The following TNK1 variants were observed in gnomAD, a reference collection of about 807,000 sequenced individuals.
The protein encoded by TNK1 is tyrosine kinase non receptor 1.
Under a neutral mutation model 65.2 loss-of-function variants are expected in TNK1, and 53 were observed. The ratio of observed to expected loss-of-function variants is 0.81; its 90% CI spans 0.65 to 1.02. The LOEUF is 1.02. Ranked by LOEUF, TNK1 falls within the 50% of genes least tolerant of loss-of-function variation. The pLI is 0.00. For missense variants in TNK1, 837 were observed against 878.4 expected (o/e 0.95, Z 0.60); for synonymous variants, 353 against 364.6 (o/e 0.97, Z 0.36).
At position 7,382,404 on chromosome 17, in the gene TNK1, T is replaced by C. The variant is rs34768933; in HGVS notation, c.-91-432T>C. On this transcript the variant is annotated intron_variant, in intron 1 of 12. Coordinates refer to ENST00000688331, the MANE Select transcript of TNK1 (RefSeq NM_003985.6). The surrounding 1 kb of genome is among the most constrained non-coding windows in gnomAD (Gnocchi z 4.1). The stretch of plus-strand genomic sequence containing the variant: ...TGTGTGCGTGCTCTACCTACATGTC[T>C]GAGGTATGGTGTGGTTGTCATATCT... 0.13 allele frequency among the ~76,000 whole-genome samples: 19,217 copies of C among 152,076 alleles called. 1,454 individuals carry two copies. Among genetic ancestry groups the C allele is most frequent in the East Asian group, 0.34 (1,757 of 5,154 alleles).
chr17:7,387,607 T>A (rs1905253233), intron 10 of TNK1, 150 bp downstream of exon 10: 4 of 480,244 alleles, frequency 8.3e-6, no homozygotes, highest in Non-Finnish European at 1.3e-5. Context: ...CAATCTATTT[T>A]TTTTTTTTTT....
chr17:7,382,424 A>G lies in TNK1; in HGVS notation c.-91-412A>G, dbSNP rs1197847269. Among the ~76,000 whole-genome samples, 1 of 152,112 alleles carries G rather than the reference A, an allele frequency of 6.6e-6. No individual in the cohort carries two copies. Among genetic ancestry groups the G allele is most frequent in the East Asian group, 1.9e-4 (1 of 5,192 alleles). On this transcript the variant is annotated intron_variant, in intron 1 of 12. Transcript: ENST00000688331. This position sits in a 1 kb window ranked among gnomAD's most constrained non-coding sequence, Gnocchi z 4.1. ...ATGTCTGAGGTATGGTGTGGTTGTC[A>G]TATCTGAGCATCTCCAGTGTGTGTG...
At position 7,388,529 on chromosome 17, in the gene TNK1, G is replaced by A. The variant is rs1419213299; in HGVS notation, c.1601G>A (p.Arg534His). 1 of 1,613,868 alleles carries A rather than the reference G, an allele frequency of 6.2e-7. No homozygotes were observed. The highest frequency in any genetic ancestry group is 8.5e-7 in the Non-Finnish European group (1 of 1,179,848). ...CAGGGACCTCCAGGCCTGCCTCCAC[G>A]CCCACCTTTATCCTCTAGCTCTCCT... ...VPQGPPGLPP[R>H]PPLSSSSPQP... Residue 534 changes from arginine (R) to histidine (H), a missense_variant, in exon 11 of 13, where the codon CGC (arginine) becomes CAC (histidine). Arg to His is a conservative substitution (Grantham distance 29). Transcript: ENST00000688331. The surrounding 1 kb of genome is among the most constrained non-coding windows in gnomAD (Gnocchi z 4.5).
In TNK1 at chr17:7,387,408, G is replaced by GC. The variant is rs932736244; in HGVS notation, c.1433dup (p.Ala479SerfsTer39). Reference sequence around the variant, plus strand: ...GAAAGAAGGCAAATCTTTGGGATGCGCCCCCAGCACGGGGCCAGAGGAGGA... The same window carrying GC: ...GAAAGAAGGCAAATCTTTGGGATGCGCCCCCCAGCACGGGGCCAGAGGAGGA... On this transcript the variant is annotated frameshift_variant, in exon 10 of 13. Transcript: ENST00000688331. LOFTEE classifies it high-confidence loss of function. 3.7e-6 allele frequency: 6 copies of GC among 1,605,518 alleles called. No individual in the cohort carries two copies. In the African/African-American group the frequency reaches 8.0e-5, roughly 21 times the overall value.
At position 7,382,459 on chromosome 17, in the gene TNK1, C is replaced by T. The variant is rs1904873429; in HGVS notation, c.-91-377C>T. ...ATCTCCAGTGTGTGTGGTAGGCAAA[C>T]ATGTCTCATGTTGGAGGAAGGGAGA... On this transcript the variant is annotated intron_variant, in intron 1 of 12. Transcript: ENST00000688331. The surrounding 1 kb of genome is among the most constrained non-coding windows in gnomAD (Gnocchi z 4.1). Among the ~76,000 whole-genome samples, 1 of 152,010 alleles carries T rather than the reference C, an allele frequency of 6.6e-6. No individual in the cohort carries two copies. Among genetic ancestry groups the T allele is most frequent in the South Asian group, 2.1e-4 (1 of 4,810 alleles).
At position 7,388,318 on chromosome 17, in the gene TNK1, G is replaced by T; in HGVS notation, c.1478-88G>T. 1 of 1,371,258 alleles carries T rather than the reference G, an allele frequency of 7.3e-7. No individual in the cohort carries two copies. Among genetic ancestry groups the T allele is most frequent in the Non-Finnish European group, 9.9e-7 (1 of 1,006,708 alleles). 84.9% of individuals were successfully genotyped at this position (1,371,258 alleles called of 1,614,324 possible). On this transcript the variant is annotated intron_variant, in intron 10 of 12. Coordinates refer to ENST00000688331, the MANE Select transcript of TNK1 (RefSeq NM_003985.6). The surrounding 1 kb of genome is among the most constrained non-coding windows in gnomAD (Gnocchi z 4.5). ...CAGGCACCTATAGTCCCAGCTACTC[G>T]GGAGGCTGAGGTGGGAGGATCGCTT... is the stretch of plus-strand genomic sequence containing the variant.
In TNK1 at chr17:7,387,408, G is replaced by C. The variant is rs371755979; in HGVS notation, c.1428G>C (p.Ala476=). ...GDRKKANLWD[A]PPARGQRRNM... ...GAAAGAAGGCAAATCTTTGGGATGC[G>C]CCCCCAGCACGGGGCCAGAGGAGGA... Residue 476 remains alanine (A), a synonymous_variant, in exon 10 of 13, where the codon GCG becomes GCC. Coordinates refer to ENST00000688331, the MANE Select transcript of TNK1 (RefSeq NM_003985.6). The C allele has an allele frequency of 1.9e-6, 3 of 1,605,648 alleles. No individual in the cohort carries two copies. Among genetic ancestry groups the C allele is most frequent in the Non-Finnish European group, 2.6e-6 (3 of 1,176,436 alleles).
intron 7 of TNK1, 122 bp downstream of exon 7, chr17:7,384,876 C>T: frequency 7.6e-7 from 1 of 1,316,652 alleles, no homozygotes; most frequent in Non-Finnish European, 1.0e-6. Flanking sequence ...CAGCTCTGAG[C>T]AAAACAGATG....
At position 7,384,619 on chromosome 17, in the gene TNK1, GC is replaced by G. The variant is rs756965938; in HGVS notation, c.1003del (p.Arg335GlyfsTer54). On this transcript the variant is annotated frameshift_variant, in exon 7 of 13. Transcript: ENST00000688331. LOFTEE classifies it high-confidence loss of function. ...AGVPPYLILQ[R>X]LEDRARLPRP... is the part of the protein sequence containing the mutation. The stretch of plus-strand genomic sequence containing the variant: ...GGGTCCCACCGTACCTCATCCTGCA[GC>G]GGCTGGAGGACAGAGCCCGGCTGCC... 1.5e-4 allele frequency: 248 copies of G among 1,612,004 alleles called. No homozygotes were observed. Among genetic ancestry groups the G allele is most frequent in the Non-Finnish European group, 2.0e-4 (240 of 1,179,358 alleles).
At position 7,384,622 on chromosome 17, in the gene TNK1, G is replaced by A. The variant is rs749672190; in HGVS notation, c.1005G>A (p.Arg335=). 6.2e-7 allele frequency: 1 copy of A among 1,611,866 alleles called. No homozygotes were observed. Among genetic ancestry groups the A allele is most frequent in the South Asian group, 1.1e-5 (1 of 90,492 alleles). The stretch of plus-strand genomic sequence containing the variant: ...TCCCACCGTACCTCATCCTGCAGCG[G>A]CTGGAGGACAGAGCCCGGCTGCCTA... ...AGVPPYLILQ[R]LEDRARLPRP... Residue 335 remains arginine (R), a synonymous_variant, in exon 7 of 13, where the codon CGG becomes CGA. Transcript: ENST00000688331.
chr17:7,381,777 T>C (rs1904826483), intron 1 of TNK1, among the ~76,000 whole-genome samples: 1 of 152,228 alleles, frequency 6.6e-6, no homozygotes, highest in African/African-American at 2.4e-5. Context: ...GTGTGCACAC[T>C]GTACCTCGAT....
At position 7,388,427 on chromosome 17, in the gene TNK1, C is replaced by T; in HGVS notation, c.1499C>T (p.Ser500Leu). The T allele has an allele frequency of 1.2e-6, 2 of 1,611,490 alleles. No individual in the cohort carries two copies. The highest frequency in any genetic ancestry group is 8.5e-7 in the Non-Finnish European group (1 of 1,178,566). The stretch of plus-strand genomic sequence containing the variant: ...GCAGGCATTTCCAGGAGTCTGGAGT[C>T]AGTTCTGTCCCTCGGTCCTCGTCCC... ...RMKGISRSLESVLSLGPRPTG... is the reference protein window; with the variant it reads ...RMKGISRSLELVLSLGPRPTG... Residue 500 changes from serine to leucine, a missense_variant, in exon 11 of 13, where the codon TCA (serine) becomes TTA (leucine). Ser to Leu is a moderately radical substitution (Grantham distance 145). Coordinates refer to ENST00000688331, the MANE Select transcript of TNK1 (RefSeq NM_003985.6). The surrounding 1 kb of genome is among the most constrained non-coding windows in gnomAD (Gnocchi z 4.5).
At position 7,386,668 on chromosome 17, in the gene TNK1, T is replaced by A. The variant is rs746180136; in HGVS notation, c.1232+13T>A. 6.4e-7 allele frequency: 1 copy of A among 1,568,630 alleles called. No homozygotes were observed. Among genetic ancestry groups the A allele is most frequent in the East Asian group, 2.4e-5 (1 of 42,524 alleles). Reference sequence around the variant, plus strand: ...TCATCGAGGGCAGGTGACAGTCCCATACCTCCCAAGCACCCTCAGGAGGAG... The same window carrying A: ...TCATCGAGGGCAGGTGACAGTCCCAAACCTCCCAAGCACCCTCAGGAGGAG... On this transcript the variant is annotated intron_variant, in intron 8 of 12. Coordinates refer to ENST00000688331, the MANE Select transcript of TNK1 (RefSeq NM_003985.6).
chr17:7,388,471 C>A lies in TNK1; in HGVS notation c.1543C>A (p.Pro515Thr), dbSNP rs868714070. The A allele has an allele frequency of 6.2e-7, 1 of 1,613,818 alleles. No individual in the cohort carries two copies. Residue 515 changes from proline (P) to threonine (T), a missense_variant, in exon 11 of 13, where the codon CCC becomes ACC. Coordinates refer to ENST00000688331, the MANE Select transcript of TNK1 (RefSeq NM_003985.6). The surrounding 1 kb of genome is among the most constrained non-coding windows in gnomAD (Gnocchi z 4.5). The part of the protein sequence containing the change: ...GPRPTGGGSS[P>T]PEIRQARAVP... ...TCGTCCCACAGGGGGTGGTTCAAGC[C>A]CCCCTGAAATTCGACAAGCCAGAGC... is the stretch of plus-strand genomic sequence containing the variant.
Position 7,388,598 on chromosome 17 carries a change from G to A in TNK1, c.1670G>A (p.Arg557Lys), listed in dbSNP as rs770022580. The A allele has an allele frequency of 6.2e-7, 1 of 1,613,914 alleles. No individual in the cohort carries two copies. Among genetic ancestry groups the A allele is most frequent in the Non-Finnish European group, 8.5e-7 (1 of 1,179,890 alleles). Reference sequence around the variant, plus strand: ...AGGGAGAGGCTTCCCTGGCCCAAAAGAAAACCCCCACACAATCACCCCATG... The same window carrying A: ...AGGGAGAGGCTTCCCTGGCCCAAAAAAAAACCCCCACACAATCACCCCATG... ...PSRERLPWPK[R>K]KPPHNHPMGM... The change falls in exon 11 of 13, where the codon AGA (arginine) becomes AAA (lysine). Residue 557 changes from arginine (R) to lysine (K), a missense_variant. By Grantham distance (26) the Arg-to-Lys change is conservative (BLOSUM62 2). Transcript: ENST00000688331. This position sits in a 1 kb window ranked among gnomAD's most constrained non-coding sequence, Gnocchi z 4.5.
chr17:7,384,103 G>A lies in TNK1; in HGVS notation c.716G>A (p.Arg239His), dbSNP rs866981836. 6.5e-7 allele frequency: 1 copy of A among 1,545,970 alleles called. No individual in the cohort carries two copies. Among genetic ancestry groups the A allele is most frequent in the Non-Finnish European group, 8.7e-7 (1 of 1,153,566 alleles). Reference protein sequence around the residue: ...LAGAMAYLGARGLVHRDLATR... With the variant: ...LAGAMAYLGAHGLVHRDLATR... ...GGAGCCATGGCGTACCTGGGGGCCC[G>A]CGGGCTGGTGCACCGAGACCTCGCT... is the stretch of plus-strand genomic sequence containing the variant. The change falls in exon 6 of 13, where the codon CGC becomes CAC. Residue 239 changes from arginine (R) to histidine (H), a missense_variant. Arg to His is a conservative substitution (Grantham distance 29, BLOSUM62 0). Transcript: ENST00000688331.
rs1225420355 is a variant in TNK1, at chr17:7,384,138, C to T, written c.751C>T (p.Leu251=). Residue 251 remains leucine (L), a synonymous_variant, in exon 6 of 13, where the codon CTA becomes TTA. Transcript: ENST00000688331. ...GCACCGAGACCTCGCTACGCGCAAC[C>T]TACTGCTGGCGTCGCCGCGCACCAT... ...LVHRDLATRN[L]LLASPRTIKV... is the part of the protein sequence containing the mutation. 6.5e-7 allele frequency: 1 copy of T among 1,546,346 alleles called. No individual in the cohort carries two copies. The highest frequency in any genetic ancestry group is 1.2e-5 in the South Asian group (1 of 84,680).
In TNK1 at chr17:7,386,582, T is replaced by C; in HGVS notation, c.1159T>C (p.Cys387Arg). 3.7e-6 allele frequency: 6 copies of C among 1,605,070 alleles called. No individual in the cohort carries two copies. The highest frequency in any genetic ancestry group is 5.1e-6 in the Non-Finnish European group (6 of 1,175,842). Reference sequence around the variant, plus strand: ...ACAGGCCGGGCCTTCGGAAGCATGTTGTGTGAGGGATGTCACAGAACCAGG... The same window carrying C: ...ACAGGCCGGGCCTTCGGAAGCATGTCGTGTGAGGGATGTCACAGAACCAGG... ...LQEAGPSEAC[C>R]VRDVTEPGAL... The change falls in exon 8 of 13, where the codon TGT becomes CGT. Residue 387 changes from cysteine to arginine, a missense_variant. Cys to Arg is a radical substitution (Grantham distance 180). Coordinates refer to ENST00000688331, the MANE Select transcript of TNK1 (RefSeq NM_003985.6).
chr17:7,384,344 G>A, intron 6 of TNK1, 91 bp downstream of exon 6: 4 of 1,433,414 alleles, frequency 2.8e-6, no homozygotes, highest in East Asian at 2.5e-5. Flanking sequence ...GGGCTTCTGA[G>A]GGAGGCTTGG....
Sources: allele counts gnomAD v4.1 joint callset (sites outside exome capture counted in the v4.1 genomes callset), GRCh38; gene constraint gnomAD v4.1.1; non-coding constraint Gnocchi (gnomAD v3.1); transcripts MANE v1.5; gene names NCBI Gene and HGNC (gene_info 2026-07-23, HGNC 2026-07-21).